Variants in USP32 observed in about 807,000 individuals in gnomAD.
The protein encoded by USP32 is ubiquitin specific peptidase 32.
In USP32, 59 loss-of-function variants were observed where a neutral mutation model predicts 204.8. The observed-to-expected ratio is 0.29, with a 90% CI of 0.23 to 0.36. The LOEUF is 0.36. Ranked by LOEUF, USP32 falls within the 10% of genes least tolerant of loss-of-function variation. The pLI is 1.00. For missense variants in USP32, 1,160 were observed against 1,946.4 expected (o/e 0.60, Z 7.60); for synonymous variants, 517 against 678.4 (o/e 0.76, Z 3.70).
intron 3 of USP32, among the ~76,000 whole-genome samples, chr17:60,300,583 C>A (rs192933857): frequency 4.6e-5 from 7 of 152,136 alleles, no homozygotes; most frequent in African/African-American, 1.7e-4. Context: ...TTACAAATAA[C>A]GTATATAAAA....
At chr17:60,330,915 A>G (rs188217582) in intron 2 of USP32, among the ~76,000 whole-genome samples, 37 of 152,294 alleles carry the variant, frequency 2.4e-4, no homozygotes, top group Admixed American at 9.2e-4. Flanking sequence ...CATTCCAGGC[A>G]AGTTTCCAAG....
intron 11 of USP32, among the ~76,000 whole-genome samples, chr17:60,240,350 T>C (rs1229230561): frequency 1.3e-5 from 2 of 152,322 alleles, no homozygotes; most frequent in Non-Finnish European, 2.9e-5. Context: ...TCTTCCTTGT[T>C]ATGTGTAGTT....
chr17:60,390,980 G>C (rs1240719980), intron 1 of USP32, among the ~76,000 whole-genome samples: 5 of 152,196 alleles, frequency 3.3e-5, no homozygotes, highest in Non-Finnish European at 5.9e-5. Flanking sequence ...GTTAGTGTGT[G>C]CTTTAGTGAT....
chr17:60,253,392 T>TA (rs1046568314), intron 10 of USP32, among the ~76,000 whole-genome samples: 2 of 151,160 alleles, frequency 1.3e-5, no homozygotes, highest in African/African-American at 4.9e-5. Flanking sequence ...ATTGTTATTT[T>TA]AAAAAGTAAC....
chr17:60,403,261 C>T (rs754987271), intron 1 of USP32, among the ~76,000 whole-genome samples: 12 of 152,120 alleles, frequency 7.9e-5, no homozygotes, highest in Non-Finnish European at 1.8e-4. Context: ...CGTGATCTGC[C>T]GGCCTCGGCC....
At chr17:60,180,414 A>G in intron 33 of USP32, 131 bp downstream of exon 33, 2 of 1,011,730 alleles carry the variant, frequency 2.0e-6, no homozygotes, top group South Asian at 3.1e-5. Flanking sequence ...TAATACTGAC[A>G]GCATCTATAT....
At chr17:60,407,631 C>T (rs571649250) in intron 1 of USP32, among the ~76,000 whole-genome samples, 3 of 151,908 alleles carry the variant, frequency 2.0e-5, no homozygotes, top group Non-Finnish European at 4.4e-5. Flanking sequence ...GTGACATCCA[C>T]ATTAGCCAGG....
intron 31 of USP32, among the ~76,000 whole-genome samples, chr17:60,182,208 T>TCTTACCCATAGCCCC (rs1198376694): frequency 1.3e-5 from 2 of 152,232 alleles, no homozygotes; most frequent in African/African-American, 4.8e-5. Context: ...GGCTTTAAAC[T>TCTTACCCATAGCCCC]TTTTGGTTAT....
At chr17:60,368,251 C>T (rs1278412445) in intron 1 of USP32, among the ~76,000 whole-genome samples, 1 of 152,180 alleles carries the variant, frequency 6.6e-6, no homozygotes, top group Non-Finnish European at 1.5e-5. Context: ...TCACACTGTA[C>T]AACAGCACTG....
intron 11 of USP32, among the ~76,000 whole-genome samples, chr17:60,242,110 T>G (rs2085893519): frequency 6.6e-6 from 1 of 152,144 alleles, no homozygotes; most frequent in Non-Finnish European, 1.5e-5. Flanking sequence ...TCCTGCACCG[T>G]TTTTTGTTTT....
chr17:60,197,314 T>C (rs983066813), intron 27 of USP32, among the ~76,000 whole-genome samples: 2 of 152,032 alleles, frequency 1.3e-5, no homozygotes, highest in African/African-American at 2.4e-5. Context: ...GGCAAGAAAA[T>C]GATCTACAGG....
intron 1 of USP32, chr17:60,421,274 A>G: frequency 1.3e-6 from 1 of 774,966 alleles, no homozygotes. Flanking sequence ...CAATAACAAC[A>G]AGACGTTTGC....
chr17:60,287,814 C>CA (rs547794442), intron 5 of USP32, among the ~76,000 whole-genome samples: 18 of 149,462 alleles, frequency 1.2e-4, no homozygotes, highest in South Asian at 6.4e-4. Flanking sequence ...AAAACACTGA[C>CA]AAAAAAAAAA....
intron 1 of USP32, among the ~76,000 whole-genome samples, chr17:60,401,839 A>G (rs1281182215): frequency 6.6e-6 from 1 of 152,204 alleles, no homozygotes; most frequent in Admixed American, 6.5e-5. Context: ...GATAATATTA[A>G]CAAACAAATC....
intron 2 of USP32, among the ~76,000 whole-genome samples, chr17:60,320,991 T>C (rs2088099221): frequency 6.6e-6 from 1 of 152,128 alleles, no homozygotes; most frequent in Admixed American, 6.5e-5. Context: ...CTCCTACAGC[T>C]TGGCTCCGGA....
At chr17:60,384,628 C>T (rs1287744990) in intron 1 of USP32, among the ~76,000 whole-genome samples, 1 of 152,012 alleles carries the variant, frequency 6.6e-6, no homozygotes, top group Non-Finnish European at 1.5e-5. Context: ...TCCGTCTCTA[C>T]TGAAAATACA....
At chr17:60,371,353 G>A (rs2089437909) in intron 1 of USP32, among the ~76,000 whole-genome samples, 1 of 151,882 alleles carries the variant, frequency 6.6e-6, no homozygotes, top group Admixed American at 6.6e-5. Context: ...GATCACCTGA[G>A]GTCAGGATTT....
chr17:60,331,565 CA>C (rs1202260038), intron 2 of USP32, among the ~76,000 whole-genome samples: 1 of 140,666 alleles, frequency 7.1e-6, no homozygotes, highest in Non-Finnish European at 1.5e-5. Flanking sequence ...GACCCCATCT[CA>C]AAAAAAAATA....
chr17:60,223,451 GC>G lies in USP32; in HGVS notation c.1567del (p.Ala523LeufsTer7). On this transcript the variant is annotated frameshift_variant, in exon 14 of 34. Coordinates refer to ENST00000300896, the MANE Select transcript of USP32 (RefSeq NM_032582.4). LOFTEE classifies it high-confidence loss of function. ...AGTTACTAATGGCTGATTATCAATAGCCCCTGGTTTCTGAGGGTTAAGGTGC... is the reference window on the plus strand; with the variant it reads ...AGTTACTAATGGCTGATTATCAATAGCCCTGGTTTCTGAGGGTTAAGGTGC... ...LLHLNPQKPG[A>X]IDNQPLVTQE... The G allele has an allele frequency of 6.2e-7, 1 of 1,612,032 alleles. No individual in the cohort carries two copies. The highest frequency in any genetic ancestry group is 1.7e-4 in the Middle Eastern group (1 of 6,058).
Sources: gnomAD v4.1 joint callset for allele counts (sites outside exome capture counted in the v4.1 genomes callset) on GRCh38, gnomAD v4.1.1 for gene constraint, MANE v1.5 for transcripts, NCBI Gene and HGNC (gene_info 2026-07-23, HGNC 2026-07-21) for gene names.